Variants in CCDC186 observed in about 807,000 individuals in gnomAD.
CCDC186 encodes coiled-coil domain containing 186.
A neutral mutation model predicts 113.7 loss-of-function variants in CCDC186; 49 were observed. The observed-to-expected ratio is 0.43, with a 90% CI of 0.34 to 0.55. The LOEUF (loss-of-function observed/expected upper bound fraction) is 0.55, where lower values mean the gene tolerates loss of function less well. Ranked by LOEUF, CCDC186 falls within the 20% of genes least tolerant of loss-of-function variation. CCDC186 has a pLI of 0.02. For missense variants in CCDC186, 890 were observed against 1,011.1 expected (o/e 0.88, Z 1.62); for synonymous variants, 355 against 345.8 (o/e 1.03, Z -0.30).
chr10:114,132,711 T>G (rs2119702268), intron 10 of CCDC186, among the ~76,000 whole-genome samples: 1 of 152,324 alleles, frequency 6.6e-6, no homozygotes, highest in East Asian at 1.9e-4. Context: ...GGTTGATCCC[T>G]GACCTAAAGG....
chr10:114,125,441 C>T (rs946953233), intron 15 of CCDC186, among the ~76,000 whole-genome samples: 1 of 152,078 alleles, frequency 6.6e-6, no homozygotes, highest in Admixed American at 6.6e-5. Flanking sequence ...GAAGCTACAG[C>T]AATTTTTAAT....
rs772361285 is a variant in CCDC186, at chr10:114,145,575, G to A, written c.1075C>T (p.Arg359Trp). The change falls in exon 5 of 16, where the codon CGG becomes TGG. Residue 359 changes from arginine (R) to tryptophan (W), a missense_variant. Coordinates refer to ENST00000369287, the MANE Select transcript of CCDC186 (RefSeq NM_018017.4). ...KIKQLSQEKGRLHQLYETKEG... is the reference protein window; with the variant it reads ...KIKQLSQEKGWLHQLYETKEG... ...TTAGTTTCATACAGCTGGTGCAACC[G>A]TCCTTTCTCCTGAGAAAGCTGCTTA... 46 of 1,610,382 alleles carry A rather than the reference G, an allele frequency of 2.9e-5. 1 individual carries two copies. The highest frequency in any genetic ancestry group is 1.8e-4 in the East Asian group (8 of 44,836).
rs890833648 is a variant in CCDC186 at position 114,121,411 on chromosome 10, G to C, written c.*3732C>G. On this transcript the variant is annotated 3_prime_UTR_variant, in exon 16 of 16. Transcript: ENST00000369287. ...TTTTTTTCTTTTACTGATAAATCTT[G>C]GTTTAAATTTGCATGTAACAATTTT... is the stretch of plus-strand genomic sequence containing the variant. 5 of 151,786 alleles carry C rather than the reference G, an allele frequency of 3.3e-5. No homozygotes were observed. The highest frequency in any genetic ancestry group is 7.4e-5 in the Non-Finnish European group (5 of 67,966). The allele number at this position is 151,786 out of a possible 1,614,324, so 9.4% of individuals were successfully genotyped here. A position where few individuals can be genotyped will look rare whatever the true frequency, so the allele number is the denominator to read the frequency against.
intron 4 of CCDC186, among the ~76,000 whole-genome samples, chr10:114,148,120 C>A (rs927152429): frequency 2.6e-5 from 4 of 152,026 alleles, no homozygotes; most frequent in African/African-American, 9.7e-5. Context: ...GGGCAACAGA[C>A]CCTGTCTCAA....
At chr10:114,132,576 A>G (rs913669762) in intron 10 of CCDC186, among the ~76,000 whole-genome samples, 5 of 152,194 alleles carry the variant, frequency 3.3e-5, no homozygotes, top group Non-Finnish European at 7.3e-5. Context: ...TTTTGCTGCA[A>G]TTGTTCCACT....
intron 6 of CCDC186, among the ~76,000 whole-genome samples, chr10:114,141,120 C>T (rs2031453314): frequency 6.6e-6 from 1 of 152,040 alleles, no homozygotes; most frequent in Non-Finnish European, 1.5e-5. Flanking sequence ...GTCTCAAACT[C>T]CTGACCTCAA....
At chr10:114,128,360 G>A (rs2030980651) in intron 13 of CCDC186, among the ~76,000 whole-genome samples, 1 of 152,120 alleles carries the variant, frequency 6.6e-6, no homozygotes. Context: ...CTTATCCAAA[G>A]TTATATAATG....
intron 4 of CCDC186, among the ~76,000 whole-genome samples, chr10:114,148,113 C>T (rs768868592): frequency 2.8e-4 from 42 of 152,084 alleles, no homozygotes; most frequent in African/African-American, 4.8e-4. Flanking sequence ...CCAGCCTGGG[C>T]AACAGACCCT....
At chr10:114,146,723 T>C (rs982805675) in intron 4 of CCDC186, among the ~76,000 whole-genome samples, 27 of 152,334 alleles carry the variant, frequency 1.8e-4, no homozygotes, top group African/African-American at 4.6e-4. Flanking sequence ...TTACAAAAGA[T>C]AGAACTTCAA....
chr10:114,159,133 A>G (rs1285530125), intron 2 of CCDC186, among the ~76,000 whole-genome samples: 1 of 152,208 alleles, frequency 6.6e-6, no homozygotes, highest in East Asian at 1.9e-4. Context: ...GGAAACAATC[A>G]TACAAATGTT....
chr10:114,142,073 T>C (rs969589518), intron 6 of CCDC186, among the ~76,000 whole-genome samples: 2 of 152,302 alleles, frequency 1.3e-5, no homozygotes, highest in African/African-American at 4.8e-5. Flanking sequence ...TGAGATAAAA[T>C]GGCAAAGCAA....
chr10:114,170,057 C>T (rs950849807), intron 1 of CCDC186, among the ~76,000 whole-genome samples: 3 of 151,940 alleles, frequency 2.0e-5, no homozygotes, highest in African/African-American at 7.3e-5. Flanking sequence ...GCCACCATAC[C>T]CAGATAATAT....
rs1261375695 is a variant in CCDC186, at chr10:114,124,985, G to A, written c.*158C>T. ...TCAGTCTTACAGTATATACAGCAAT[G>A]CATTCATATTGTAAAAGGGTATTTT... On this transcript the variant is annotated 3_prime_UTR_variant, in exon 16 of 16. Transcript: ENST00000369287. 1.7e-6 allele frequency: 1 copy of A among 572,698 alleles called. No individual in the cohort carries two copies. 35.5% of individuals were successfully genotyped at this position (572,698 alleles called of 1,614,324 possible).
intron 1 of CCDC186, among the ~76,000 whole-genome samples, chr10:114,164,114 A>T (rs12765955): frequency 0.21 from 16,303 of 78,612 alleles, 1,538 homozygotes; most frequent in Middle Eastern, 0.29. Context: ...ATATATATAT[A>T]TTTTTTTTTT....
chr10:114,134,584 T>C (rs1245504274), intron 10 of CCDC186, among the ~76,000 whole-genome samples: 1 of 152,210 alleles, frequency 6.6e-6, no homozygotes, highest in Non-Finnish European at 1.5e-5. Flanking sequence ...TGCGAAGATC[T>C]AGAGCAAGAT....
intron 7 of CCDC186, among the ~76,000 whole-genome samples, chr10:114,136,962 C>A (rs1368612590): frequency 6.6e-6 from 1 of 151,922 alleles, no homozygotes; most frequent in African/African-American, 2.4e-5. Flanking sequence ...ACTAAAAATA[C>A]AAAATTTAGC....
At position 114,162,925 on chromosome 10, in the gene CCDC186, A is replaced by T. The variant is rs1318682146; in HGVS notation, c.344T>A (p.Val115Glu). Reference protein sequence around the residue: ...ISKTNETEQKVTQILVELRSS... With the variant: ...ISKTNETEQKETQILVELRSS... ...CCTTAATTCCACCAATATTTGTGTT[A>T]CTTTCTGTTCTGTTTCATTTGTTTT... Residue 115 changes from valine to glutamate, a missense_variant, in exon 2 of 16, where the codon GTA becomes GAA. By Grantham distance (121) the Val-to-Glu change is moderately radical (BLOSUM62 -2). Coordinates refer to ENST00000369287, the MANE Select transcript of CCDC186 (RefSeq NM_018017.4). The T allele has an allele frequency of 6.2e-7, 1 of 1,613,384 alleles. No homozygotes were observed.
chr10:114,121,432 A>G lies in CCDC186; in HGVS notation c.*3711T>C, dbSNP rs1164294101. ...TCTTGGTTTAAATTTGCATGTAACAATTTTTAGAAAATAATATACTGCAAA... is the reference window on the plus strand; with the variant it reads ...TCTTGGTTTAAATTTGCATGTAACAGTTTTTAGAAAATAATATACTGCAAA... On this transcript the variant is annotated 3_prime_UTR_variant, in exon 16 of 16. Transcript: ENST00000369287. 1.3e-5 allele frequency: 2 copies of G among 152,184 alleles called. No individual in the cohort carries two copies. Among genetic ancestry groups the G allele is most frequent in the African/African-American group, 2.4e-5 (1 of 41,446 alleles). The allele number at this position is 152,184 out of a possible 1,614,324, so 9.4% of individuals were successfully genotyped here. A position where few individuals can be genotyped will look rare whatever the true frequency, so the allele number is the denominator to read the frequency against.
chr10:114,168,119 T>A (rs918388643), intron 1 of CCDC186: 4 of 152,230 alleles, frequency 2.6e-5, no homozygotes, highest in African/African-American at 7.2e-5. Context: ...GTCACAAAAT[T>A]CCTTTTAACT....
Sources: gnomAD v4.1 joint callset for allele counts (sites outside exome capture counted in the v4.1 genomes callset) on GRCh38, gnomAD v4.1.1 for gene constraint, MANE v1.5 for transcripts, NCBI Gene and HGNC (gene_info 2026-07-23, HGNC 2026-07-21) for gene names.